The following MSRA variants were observed in gnomAD, a reference collection of about 807,000 sequenced individuals.
MSRA encodes the protein methionine sulfoxide reductase A.
Under a neutral mutation model 31.3 loss-of-function variants are expected in MSRA, and 54 were observed. That is an observed-to-expected ratio of 1.73 (90% CI 1.39 to 2.17). MSRA has a LOEUF of 2.17. MSRA is among the 30% of genes most tolerant of loss of function. The probability of loss-of-function intolerance (pLI) is 0.00; values close to 1 mark genes in which losing one functional copy is unlikely to be tolerated. For missense variants in MSRA, 507 were observed against 300.9 expected, an observed-to-expected ratio of 1.69 and a Z score of -5.07; for synonymous variants, 169 against 116.5, an observed-to-expected ratio of 1.45 and a Z score of -2.90.
At position 10,140,028 on chromosome 8, in the gene MSRA, C is replaced by T. The variant is rs186694594; in HGVS notation, c.143-67805C>T. ...ACATTTATCTGATGCAAGTTTTCTG[C>T]GACACGGGAGCCTTCCGAAATGAAG... On this transcript the variant is annotated intron_variant, in intron 1 of 5. Transcript: ENST00000317173. Among the ~76,000 whole-genome samples the T allele has an allele frequency of 2.4e-4, 36 of 152,282 alleles. No homozygotes were observed. In the East Asian group the frequency reaches 3.7e-3, roughly 15 times the overall value.
chr8:10,411,623 G>A (rs1272291474), intron 5 of MSRA: 1 of 152,218 alleles, frequency 6.6e-6, no homozygotes, highest in Non-Finnish European at 1.5e-5. Flanking sequence ...GCTGACAGAT[G>A]TAACCTGCCC....
At chr8:10,304,909 T>C (rs1801044932) in intron 4 of MSRA, among the ~76,000 whole-genome samples, 1 of 152,204 alleles carries the variant, frequency 6.6e-6, no homozygotes, top group African/African-American at 2.4e-5. Context: ...ACAAAAGTGA[T>C]TACTAAAACT....
rs1454167002 is a variant in MSRA, at chr8:10,077,908, A to G, written c.142+23250A>G. Among the ~76,000 whole-genome samples the G allele has an allele frequency of 4.6e-5, 7 of 152,266 alleles. No individual in the cohort carries two copies. In the South Asian group the frequency reaches 1.0e-3, roughly 23 times the overall value. On this transcript the variant is annotated intron_variant, in intron 1 of 5. Coordinates refer to ENST00000317173, the MANE Select transcript of MSRA (RefSeq NM_012331.5). ...TGTACGTTGTTGCTACAGTATTTATATATGTCAAGATGTATCTCACAGCAT... is the reference window on the plus strand; with the variant it reads ...TGTACGTTGTTGCTACAGTATTTATGTATGTCAAGATGTATCTCACAGCAT...
intron 1 of MSRA, among the ~76,000 whole-genome samples, chr8:10,180,551 C>A (rs570988956): frequency 6.6e-6 from 1 of 152,136 alleles, no homozygotes; most frequent in Admixed American, 6.5e-5. Context: ...CAGTCCCAAG[C>A]CACCTGGAGT....
At chr8:10,314,597 A>C (rs917109987) in intron 4 of MSRA, among the ~76,000 whole-genome samples, 1 of 152,240 alleles carries the variant, frequency 6.6e-6, no homozygotes, top group African/African-American at 2.4e-5. Flanking sequence ...ATAGTTCAGC[A>C]TGTACTTAAG....
At chr8:10,135,373 C>T (rs1398463716) in intron 1 of MSRA, among the ~76,000 whole-genome samples, 3 of 152,140 alleles carry the variant, frequency 2.0e-5, no homozygotes, top group Non-Finnish European at 4.4e-5. Context: ...AGAGTTTTGC[C>T]AGTTCCATTC....
intron 3 of MSRA, among the ~76,000 whole-genome samples, chr8:10,251,514 G>A (rs747352177): frequency 2.0e-5 from 3 of 151,968 alleles, no homozygotes; most frequent in Non-Finnish European, 4.4e-5. Context: ...CAATTTGATC[G>A]CTTTTTATTC....
At chr8:10,211,687 A>T (rs1809511003) in intron 2 of MSRA, among the ~76,000 whole-genome samples, 1 of 152,160 alleles carries the variant, frequency 6.6e-6, no homozygotes, top group African/African-American at 2.4e-5. Context: ...CAGAGATTAA[A>T]GAAACATGGC....
chr8:10,366,859 C>G (rs1805196262), intron 5 of MSRA, among the ~76,000 whole-genome samples: 1 of 152,134 alleles, frequency 6.6e-6, no homozygotes, highest in South Asian at 2.1e-4. Flanking sequence ...CCACCAGACC[C>G]AAGGCTGCCA....
chr8:10,054,429 C>G lies in MSRA; in HGVS notation c.-88C>G. 9.0e-7 allele frequency: 1 copy of G among 1,113,792 alleles called. No individual in the cohort carries two copies. The highest frequency in any genetic ancestry group is 2.1e-5 in the South Asian group (1 of 46,974). The allele number at this position is 1,113,792 out of a possible 1,614,324, so 69.0% of individuals were successfully genotyped here. ...CGCCCCTGCCGCCCCCCGGTTCCGG[C>G]CGCGGACCCCACTCTCTGCCGTTCC... On this transcript the variant is annotated 5_prime_UTR_variant, in exon 1 of 6. Coordinates refer to ENST00000317173, the MANE Select transcript of MSRA (RefSeq NM_012331.5).
At chr8:10,151,908 A>G (rs1408263923) in intron 1 of MSRA, among the ~76,000 whole-genome samples, 1 of 152,194 alleles carries the variant, frequency 6.6e-6, no homozygotes, top group Non-Finnish European at 1.5e-5. Flanking sequence ...GTGACTTGAA[A>G]TGTTTAGCAC....
intron 1 of MSRA, among the ~76,000 whole-genome samples, chr8:10,079,098 G>A (rs775457104): frequency 3.3e-5 from 5 of 152,110 alleles, no homozygotes; most frequent in Non-Finnish European, 7.3e-5. Flanking sequence ...AGCGTTGCCC[G>A]CAGGCTCATA....
intron 5 of MSRA, among the ~76,000 whole-genome samples, chr8:10,323,745 C>CGTGGGTGTGTGTGTGTGTGT (rs1802189575): frequency 7.0e-6 from 1 of 142,622 alleles, no homozygotes; most frequent in African/African-American, 2.6e-5. Context: ...GAATTAAATA[C>CGTGGGTGTGTGTGTGTGTGT]GTGTGTGTGT....
At chr8:10,134,815 C>T (rs1432960867) in intron 1 of MSRA, among the ~76,000 whole-genome samples, 3 of 152,182 alleles carry the variant, frequency 2.0e-5, no homozygotes, top group Non-Finnish European at 2.9e-5. Context: ...TTAAACATGC[C>T]GTTGCATTTT....
intron 3 of MSRA, among the ~76,000 whole-genome samples, chr8:10,271,647 G>A (rs1799044424): frequency 6.9e-6 from 1 of 144,834 alleles, no homozygotes; most frequent in South Asian, 2.2e-4. Context: ...ATTACAAAGG[G>A]CACTGTTTCT....
At chr8:10,300,023 T>G (rs1800756181) in intron 3 of MSRA, among the ~76,000 whole-genome samples, 2 of 152,168 alleles carry the variant, frequency 1.3e-5, no homozygotes, top group Admixed American at 1.3e-4. Context: ...TATGTATTCA[T>G]TATAAATGGT....
At chr8:10,128,422 A>T (rs1801656329) in intron 1 of MSRA, among the ~76,000 whole-genome samples, 1 of 152,152 alleles carries the variant, frequency 6.6e-6, no homozygotes, top group African/African-American at 2.4e-5. Context: ...TGATGATCAG[A>T]TGTGAACATA....
chr8:10,409,353 C>A (rs1229891236), intron 5 of MSRA, among the ~76,000 whole-genome samples: 1 of 152,068 alleles, frequency 6.6e-6, no homozygotes, highest in Admixed American at 6.5e-5. Flanking sequence ...TGCTTGTGGG[C>A]CGTTTGTTTT....
intron 5 of MSRA, among the ~76,000 whole-genome samples, chr8:10,366,976 G>C (rs1012108805): frequency 6.6e-6 from 1 of 152,144 alleles, no homozygotes; most frequent in Non-Finnish European, 1.5e-5. Flanking sequence ...CTTATCCGCC[G>C]TTTCGCTTTC....
Sources: allele counts gnomAD v4.1 joint callset (sites outside exome capture counted in the v4.1 genomes callset), GRCh38; gene constraint gnomAD v4.1.1; transcripts MANE v1.5; gene names NCBI Gene and HGNC (gene_info 2026-07-23, HGNC 2026-07-21).